The following GRB7 variants were observed in gnomAD, a reference collection of about 807,000 sequenced individuals.
GRB7 encodes the protein growth factor receptor bound protein 7, also known as growth factor receptor-bound protein 7.
GRB7 carries 47 observed loss-of-function variants against 64.1 expected under a neutral mutation model. The observed-to-expected ratio is 0.73, with a 90% confidence interval of 0.58 to 0.94. The LOEUF (loss-of-function observed/expected upper bound fraction) is 0.94, where lower values mean the gene tolerates loss of function less well. Among genes scored for constraint, GRB7 ranks in the 40% least tolerant of loss-of-function variants. GRB7 has a pLI of 0.00. For synonymous variants in GRB7, 277 were observed against 279.9 expected (o/e 0.99, Z 0.10); for missense variants, 634 against 718.4 (o/e 0.88, Z 1.34).
chr17:39,746,966 G>A lies in GRB7; in HGVS notation c.*69G>A, dbSNP rs1211670182. On this transcript the variant is annotated 3_prime_UTR_variant, in exon 15 of 15. Coordinates refer to ENST00000309156, the MANE Select transcript of GRB7 (RefSeq NM_005310.5). ...CCCGCCGCCCCTCCACCCATCCAGT[G>A]GACTCTGGGGCGCGGCCACAGGGGA... 2.0e-6 allele frequency: 3 copies of A among 1,524,152 alleles called. No individual in the cohort carries two copies. The African/African-American group carries it at 4.1e-5, about 21-fold the overall frequency. 94.4% of individuals were successfully genotyped at this position (1,524,152 alleles called of 1,614,324 possible).
Position 39,744,780 on chromosome 17 carries a change from C to A in GRB7, c.913-106C>A, listed in dbSNP as rs2060029000. 3.0e-6 allele frequency: 4 copies of A among 1,314,368 alleles called. No individual in the cohort carries two copies. The Admixed American group carries it at 5.7e-5, about 19-fold the overall frequency. The allele number at this position is 1,314,368 out of a possible 1,614,324, so 81.4% of individuals were successfully genotyped here. A position where few individuals can be genotyped will look rare whatever the true frequency, so the allele number is the denominator to read the frequency against. Reference sequence around the variant, plus strand: ...AGACACCTAGACTCCTCTCCCTGCACCCTGGCCTGCTGGAAACTCCTGGAT... The same window carrying A: ...AGACACCTAGACTCCTCTCCCTGCAACCTGGCCTGCTGGAAACTCCTGGAT... On this transcript the variant is annotated intron_variant, in intron 8 of 14. Coordinates refer to ENST00000309156, the MANE Select transcript of GRB7 (RefSeq NM_005310.5).
At position 39,745,467 on chromosome 17, in the gene GRB7, C is replaced by T; in HGVS notation, c.1138C>T (p.His380Tyr). 1 of 1,614,080 alleles carries T rather than the reference C, an allele frequency of 6.2e-7. No individual in the cohort carries two copies. The highest frequency in any genetic ancestry group is 1.1e-5 in the South Asian group (1 of 91,068). ...CCTGGTGGCCATGGACTTCTCTGGCCATGCTGGGCGTGTCATTGAGAACCC... is the reference window on the plus strand; with the variant it reads ...CCTGGTGGCCATGGACTTCTCTGGCTATGCTGGGCGTGTCATTGAGAACCC... ...NTLVAMDFSG[H>Y]AGRVIENPRE... The change falls in exon 11 of 15, where the codon CAT becomes TAT. Residue 380 changes from histidine (H) to tyrosine (Y), a missense_variant. Transcript: ENST00000309156.
In GRB7 at chr17:39,745,490, C is replaced by A; in HGVS notation, c.1161C>A (p.Asn387Lys). 3 of 1,613,970 alleles carry A rather than the reference C, an allele frequency of 1.9e-6. No homozygotes were observed. The highest frequency in any genetic ancestry group is 2.5e-6 in the Non-Finnish European group (3 of 1,179,968). ...FSGHAGRVIENPREALSVALE... is the reference protein window; with the variant it reads ...FSGHAGRVIEKPREALSVALE... ...GCCATGCTGGGCGTGTCATTGAGAA[C>A]CCCCGGGAGGCTCTGAGTGTGGCCC... Residue 387 changes from asparagine to lysine, a missense_variant, in exon 11 of 15, where the codon AAC becomes AAA. Physicochemically the swap from Asn to Lys is moderately conservative, Grantham distance 94. Around this residue, in one of 2 missense-constraint regions of GRB7, gnomAD observed 467 missense variants for 576.6 expected, o/e 0.81. Transcript: ENST00000309156.
chr17:39,742,371 C>T lies in GRB7; in HGVS notation c.70C>T (p.Pro24Ser). ...PEDLCPAPGT[P>S]PGTPRPPDTP... ...AGACCTTTGCCCAGCCCCTGGGACCCCTCCTGGGACTCCCCGGCCCCCTGA... is the reference window on the plus strand; with the variant it reads ...AGACCTTTGCCCAGCCCCTGGGACCTCTCCTGGGACTCCCCGGCCCCCTGA... Residue 24 changes from proline to serine, a missense_variant, in exon 2 of 15, where the codon CCT (proline) becomes TCT (serine). Transcript: ENST00000309156. 3.7e-6 allele frequency: 6 copies of T among 1,613,946 alleles called. No individual in the cohort carries two copies. Among genetic ancestry groups the T allele is most frequent in the Non-Finnish European group, 5.1e-6 (6 of 1,179,912 alleles).
chr17:39,743,978 CAAAA>C, intron 6 of GRB7, 88 bp from the exon 7 acceptor site: 1 of 1,533,608 alleles, frequency 6.5e-7, no homozygotes, highest in African/African-American at 1.4e-5. Flanking sequence ...GACCCTGTCT[CAAAA>C]AGAAAAAGAA....
chr17:39,745,975 A>T lies in GRB7; in HGVS notation c.1333A>T (p.Ile445Phe). 6.2e-7 allele frequency: 1 copy of T among 1,614,020 alleles called. No homozygotes were observed. The highest frequency in any genetic ancestry group is 8.5e-7 in the Non-Finnish European group (1 of 1,179,926). ...TTCCCGTGAGGAGAGCCAGCGGCTTATTGGACAGCAGGGCTTGGTAGACGG... is the reference window on the plus strand; with the variant it reads ...TTCCCGTGAGGAGAGCCAGCGGCTTTTTGGACAGCAGGGCTTGGTAGACGG... Reference protein sequence around the residue: ...RISREESQRLIGQQGLVDGLF... With the variant: ...RISREESQRLFGQQGLVDGLF... The change falls in exon 13 of 15, where the codon ATT becomes TTT. Residue 445 changes from isoleucine (I) to phenylalanine (F), a missense_variant. Coordinates refer to ENST00000309156, the MANE Select transcript of GRB7 (RefSeq NM_005310.5).
intron 13 of GRB7, 33 bp from the exon 14 acceptor site, chr17:39,746,076 A>G: frequency 6.2e-7 from 1 of 1,611,694 alleles, no homozygotes. Flanking sequence ...GTCCTTGGGT[A>G]GTAATGCTGC....
intron 1 of GRB7, among the ~76,000 whole-genome samples, chr17:39,739,797 C>T (rs964063541): frequency 2.0e-5 from 3 of 152,158 alleles, no homozygotes; most frequent in Non-Finnish European, 2.9e-5. Context: ...TTTTGGGGGT[C>T]GGTGTTTCCA....
intron 1 of GRB7, chr17:39,740,188 C>T (rs982794448): frequency 3.7e-5 from 36 of 984,784 alleles, no homozygotes; most frequent in Non-Finnish European, 4.2e-5. Flanking sequence ...GGAGGTTAGA[C>T]TGGGGTGGGA....
At chr17:39,740,697 T>G (rs1352888342) in intron 1 of GRB7, among the ~76,000 whole-genome samples, 1 of 152,174 alleles carries the variant, frequency 6.6e-6, no homozygotes, top group African/African-American at 2.4e-5. Flanking sequence ...CATTCCGCTC[T>G]GGCTAGCAGT....
rs768517328 is a variant in GRB7, at chr17:39,744,887, CCAA to C, written c.918_920del (p.Asn306del). 1 of 1,613,512 alleles carries C rather than the reference CCAA, an allele frequency of 6.2e-7. No individual in the cohort carries two copies. Among genetic ancestry groups the C allele is most frequent in the South Asian group, 1.1e-5 (1 of 91,076 alleles). ...CCAGTCAATTTCCTCTCTCTGCAGC[CCAA>C]CAAGCTTCGAAATGGCCACAAGGGG... On this transcript the variant is annotated inframe_deletion and splice_region_variant, in exon 9 of 15. Transcript: ENST00000309156.
chr17:39,738,160 C>T (rs1426311459), intron 1 of GRB7, 27 bp downstream of exon 1: 1 of 152,394 alleles, frequency 6.6e-6, no homozygotes, highest in African/African-American at 2.4e-5. Flanking sequence ...CGGTCTCAGA[C>T]GACAGCCTGC....
intron 7 of GRB7, 22 bp downstream of exon 7, chr17:39,744,229 C>A: frequency 6.2e-7 from 1 of 1,612,366 alleles, no homozygotes. Flanking sequence ...AGGGTACCAG[C>A]CCCAGCCCCT....
At chr17:39,745,608 A>G in intron 11 of GRB7, 70 bp downstream of exon 11, 1 of 1,557,432 alleles carries the variant, frequency 6.4e-7, no homozygotes, top group Non-Finnish European at 8.8e-7. Context: ...CTGAAATAGG[A>G]GGGAGGAAGA....
Position 39,743,065 on chromosome 17 carries a change from T to G in GRB7, c.463+11T>G. The G allele has an allele frequency of 6.3e-7, 1 of 1,599,182 alleles. No homozygotes were observed. Among genetic ancestry groups the G allele is most frequent in the Non-Finnish European group, 8.5e-7 (1 of 1,170,642 alleles). On this transcript the variant is annotated intron_variant, in intron 4 of 14. Coordinates refer to ENST00000309156, the MANE Select transcript of GRB7 (RefSeq NM_005310.5). ...CCCACCTAGCACTGGGTAAGTCAGG[T>G]GCATGGAACTATCCGGGCTGGGAGA...
intron 1 of GRB7, among the ~76,000 whole-genome samples, chr17:39,741,331 G>A (rs2059992588): frequency 6.6e-6 from 1 of 152,116 alleles, no homozygotes; most frequent in South Asian, 2.1e-4. Flanking sequence ...GGATGGCCTG[G>A]GGAGGGTACG....
rs369894051 is a variant in GRB7 at position 39,746,845 on chromosome 17, G to A, written c.1547G>A (p.Arg516His). ...CTCGTGGAGTTCCACCAGCTGAACC[G>A]CGGCATCCTGCCGTGCTTGCTGCGC... ...LQLVEFHQLN[R>H]GILPCLLRHC... Residue 516 changes from arginine (R) to histidine (H), a missense_variant, in exon 15 of 15, where the codon CGC (arginine) becomes CAC (histidine). Physicochemically the swap from Arg to His is conservative, Grantham distance 29. Transcript: ENST00000309156. 42 of 1,613,392 alleles carry A rather than the reference G, an allele frequency of 2.6e-5. 1 individual carries two copies. The South Asian group carries it at 3.2e-4, about 12-fold the overall frequency.
intron 9 of GRB7, 87 bp from the exon 10 acceptor site, chr17:39,745,156 C>A: frequency 7.9e-7 from 1 of 1,259,456 alleles, no homozygotes; most frequent in Non-Finnish European, 1.1e-6. Context: ...CAGCCCTGGT[C>A]TGGGCAAGTC....
chr17:39,747,128 C>T lies in GRB7; in HGVS notation c.*231C>T, dbSNP rs2060055673. ...GGGAAGGCCTTGGGTGGCCCCCTCT[C>T]CTTCTCCTAGCTCTGGAGGTGCTGC... On this transcript the variant is annotated 3_prime_UTR_variant, in exon 15 of 15. Transcript: ENST00000309156. 1.8e-6 allele frequency: 1 copy of T among 553,068 alleles called. No homozygotes were observed. Among genetic ancestry groups the T allele is most frequent in the South Asian group, 2.4e-5 (1 of 40,880 alleles). The allele number at this position is 553,068 out of a possible 1,614,324, so 34.3% of individuals were successfully genotyped here.
Sources: allele counts gnomAD v4.1 joint callset (sites outside exome capture counted in the v4.1 genomes callset), GRCh38; gene constraint gnomAD v4.1.1; regional missense constraint gnomAD v4.1.1; transcripts MANE v1.5; gene names NCBI Gene and HGNC (gene_info 2026-07-23, HGNC 2026-07-21).